STRBP: variants seen among roughly 807,000 people sequenced by gnomAD.
STRBP encodes the protein spermatid perinuclear RNA binding protein.
STRBP carries 13 observed loss-of-function variants against 80.1 expected under a neutral mutation model. The observed-to-expected ratio is 0.16, with a 90% CI of 0.11 to 0.26. The LOEUF (loss-of-function observed/expected upper bound fraction) is 0.26. Among genes scored for constraint, STRBP ranks in the 10% least tolerant of loss-of-function variants. STRBP has a pLI of 1.00. For synonymous variants in STRBP, 284 were observed against 291.2 expected (o/e 0.98, Z 0.25); for missense variants, 485 against 815.2 (o/e 0.59, Z 4.93).
chr9:123,223,193 G>A (rs936708388), intron 2 of STRBP, among the ~76,000 whole-genome samples: 3 of 152,082 alleles, frequency 2.0e-5, no homozygotes, highest in Non-Finnish European at 4.4e-5. Flanking sequence ...AATATCAATA[G>A]TTGCCAAGAT....
chr9:123,118,029 G>A (rs952347309), downstream of STRBP, among the ~76,000 whole-genome samples: 7 of 152,190 alleles, frequency 4.6e-5, no homozygotes, highest in Non-Finnish European at 8.8e-5. Context: ...TCAAGTCAGA[G>A]GGCCTAGCTA....
intron 1 of STRBP, among the ~76,000 whole-genome samples, chr9:123,256,033 T>A: frequency 7.1e-6 from 1 of 140,200 alleles, no homozygotes; most frequent in Admixed American, 7.0e-5. Context: ...TTTTTTTTTT[T>A]TTTTTTTTTT....
chr9:123,129,184 C>T (rs2036025644), intron 17 of STRBP, among the ~76,000 whole-genome samples: 1 of 151,954 alleles, frequency 6.6e-6, no homozygotes, highest in African/African-American at 2.4e-5. Context: ...TAGTGAGACT[C>T]CATCTCTACA....
chr9:123,201,469 A>G (rs2039323694), intron 2 of STRBP, among the ~76,000 whole-genome samples: 1 of 152,196 alleles, frequency 6.6e-6, no homozygotes, highest in South Asian at 2.1e-4. Context: ...GTTAACCCAG[A>G]TATCATTCAG....
intron 2 of STRBP, among the ~76,000 whole-genome samples, chr9:123,192,462 T>A (rs944533955): frequency 1.3e-5 from 2 of 152,158 alleles, no homozygotes; most frequent in African/African-American, 4.8e-5. Context: ...AACAAAGGGC[T>A]GGGTGCAGTG....
At position 123,226,729 on chromosome 9, in the gene STRBP, C is replaced by T. The variant is rs77487394; in HGVS notation, c.-165+10101G>A. Among the ~76,000 whole-genome samples, 14 of 152,208 alleles carry T rather than the reference C, an allele frequency of 9.2e-5. No homozygotes were observed. The East Asian group carries it at 2.5e-3, about 27-fold the overall frequency. ...CTGTAAACAAAACAGAAATCCCTGC[C>T]CTCATGGAGCTTCAGCTTAGCGGTG... On this transcript the variant is annotated intron_variant, in intron 2 of 18. Coordinates refer to ENST00000348403, the MANE Select transcript of STRBP (RefSeq NM_018387.5).
At chr9:123,150,533 T>C (rs2037010431) in intron 11 of STRBP, among the ~76,000 whole-genome samples, 1 of 151,966 alleles carries the variant, frequency 6.6e-6, no homozygotes, top group Non-Finnish European at 1.5e-5. Flanking sequence ...CACCTGCAAA[T>C]AGCCACTGGA....
chr9:123,235,977 G>C (rs1374296661), intron 2 of STRBP, among the ~76,000 whole-genome samples: 2 of 152,110 alleles, frequency 1.3e-5, no homozygotes, highest in Admixed American at 1.3e-4. Flanking sequence ...ATGTGTCATA[G>C]TCCACAGCTT....
chr9:123,122,451 AAAAAAAG>A lies in STRBP; in HGVS notation c.*3139_*3145del. 1 of 1,223,104 alleles carries A rather than the reference AAAAAAAG, an allele frequency of 8.2e-7. No individual in the cohort carries two copies. Among genetic ancestry groups the A allele is most frequent in the Non-Finnish European group, 1.0e-6 (1 of 964,356 alleles). The allele number at this position is 1,223,104 out of a possible 1,614,324, so 75.8% of individuals were successfully genotyped here. A position where few individuals can be genotyped will look rare whatever the true frequency, so the allele number is the denominator to read the frequency against. Reference sequence around the variant, plus strand: ...CATTCACCCAAAATTAAAAAAAAAAAAAAAAAGAAAAGGCCAATACCAGCAAAATCTC... The same window carrying A: ...CATTCACCCAAAATTAAAAAAAAAAAAAAAGGCCAATACCAGCAAAATCTC... On this transcript the variant is annotated 3_prime_UTR_variant, in exon 19 of 19. Coordinates refer to ENST00000348403, the MANE Select transcript of STRBP (RefSeq NM_018387.5).
At chr9:123,149,334 C>T (rs1020905968) in intron 11 of STRBP, among the ~76,000 whole-genome samples, 5 of 152,172 alleles carry the variant, frequency 3.3e-5, no homozygotes, top group African/African-American at 1.2e-4. Flanking sequence ...TTACATACAA[C>T]TATGAGTATG....
At chr9:123,190,235 G>A (rs773679528) in intron 2 of STRBP, among the ~76,000 whole-genome samples, 2 of 151,086 alleles carry the variant, frequency 1.3e-5, no homozygotes, top group African/African-American at 2.4e-5. Flanking sequence ...AGCCAAGATC[G>A]TGCCACTGCA....
At chr9:123,138,383 A>C (rs2036450329) in intron 14 of STRBP, among the ~76,000 whole-genome samples, 1 of 152,218 alleles carries the variant, frequency 6.6e-6, no homozygotes, top group African/African-American at 2.4e-5. Context: ...CCACAGCATC[A>C]CACAAAGTGC....
At chr9:123,118,764 G>C (rs559034859), downstream of STRBP, among the ~76,000 whole-genome samples, 1 of 152,306 alleles carries the variant, frequency 6.6e-6, no homozygotes, top group South Asian at 2.1e-4. Context: ...TGGAGCATCT[G>C]AGGGCTCCAA....
At chr9:123,119,465 C>T (rs1001501953), downstream of STRBP, among the ~76,000 whole-genome samples, 1 of 148,806 alleles carries the variant, frequency 6.7e-6, no homozygotes, top group African/African-American at 2.5e-5. Flanking sequence ...GTAACAGACA[C>T]ATGAGCAACT....
chr9:123,150,610 CAA>C (rs1364955339), intron 11 of STRBP, among the ~76,000 whole-genome samples: 3 of 151,698 alleles, frequency 2.0e-5, no homozygotes, highest in Non-Finnish European at 4.4e-5. Flanking sequence ...TTAAAATAAA[CAA>C]AAAAAGATAT....
chr9:123,140,870 C>T (rs1318236115), intron 13 of STRBP, among the ~76,000 whole-genome samples: 1 of 152,190 alleles, frequency 6.6e-6, no homozygotes, highest in African/African-American at 2.4e-5. Flanking sequence ...CCTCCACACA[C>T]GTGCCTTTTA....
At chr9:123,223,419 G>C (rs1387151966) in intron 2 of STRBP, among the ~76,000 whole-genome samples, 2 of 152,092 alleles carry the variant, frequency 1.3e-5, no homozygotes, top group African/African-American at 4.8e-5. Context: ...AGTAATGTAA[G>C]ATGTTAAAAA....
intron 2 of STRBP, among the ~76,000 whole-genome samples, chr9:123,202,867 A>T (rs2039376969): frequency 6.6e-6 from 1 of 152,188 alleles, no homozygotes; most frequent in South Asian, 2.1e-4. Context: ...AAATTTAAAA[A>T]TCTAAAAAAT....
At chr9:123,227,874 C>T (rs1182040017) in intron 2 of STRBP, among the ~76,000 whole-genome samples, 1 of 152,080 alleles carries the variant, frequency 6.6e-6, no homozygotes, top group Non-Finnish European at 1.5e-5. Flanking sequence ...TGACATATTT[C>T]TAAAGGATTA....
Sources: gnomAD v4.1 joint callset for allele counts (sites outside exome capture counted in the v4.1 genomes callset) on GRCh38, gnomAD v4.1.1 for gene constraint, MANE v1.5 for transcripts, NCBI Gene and HGNC (gene_info 2026-07-23, HGNC 2026-07-21) for gene names.